Variants in PDE4B observed in about 807,000 individuals in gnomAD.
The protein encoded by PDE4B is 3',5'-cyclic-AMP phosphodiesterase 4B.
PDE4B carries 20 observed loss-of-function variants against 82.2 expected under a neutral mutation model. The observed-to-expected ratio is 0.24, with a 90% CI of 0.17 to 0.35. The LOEUF is 0.35. Among genes scored for constraint, PDE4B ranks in the 10% least tolerant of loss-of-function variants. The pLI is 1.00. For synonymous variants in PDE4B, 320 were observed against 318.9 expected, an observed-to-expected ratio of 1.00 and a Z score of -0.04; for missense variants, 655 against 907.2, an observed-to-expected ratio of 0.72 and a Z score of 3.57.
At chr1:66,364,057 A>G (rs1663036094) in intron 12 of PDE4B, among the ~76,000 whole-genome samples, 1 of 152,194 alleles carries the variant, frequency 6.6e-6, no homozygotes, top group South Asian at 2.1e-4. Flanking sequence ...TATTTCTACT[A>G]AGGGATGCAG....
chr1:66,163,252 C>A (rs1646653819), intron 3 of PDE4B, among the ~76,000 whole-genome samples: 2 of 152,130 alleles, frequency 1.3e-5, no homozygotes, highest in South Asian at 4.2e-4. Context: ...GCACAGGGGG[C>A]AATACCTTGC....
chr1:66,159,841 A>G (rs968910358), intron 3 of PDE4B, among the ~76,000 whole-genome samples: 1 of 152,170 alleles, frequency 6.6e-6, no homozygotes, highest in Non-Finnish European at 1.5e-5. Flanking sequence ...GCTGCCATTT[A>G]TTGTGCACCT....
At position 65,973,993 on chromosome 1, in the gene PDE4B, AG is replaced by A. The variant is rs1339303979; in HGVS notation, c.281+55159del. Among the ~76,000 whole-genome samples, 11 of 151,906 alleles carry A rather than the reference AG, an allele frequency of 7.2e-5. No homozygotes were observed. The East Asian group carries it at 1.9e-3, about 27-fold the overall frequency. ...ATGCCCAGCTAATTTTTGGATTTTT[AG>A]TAGAGATGGAGTTTTGCCATGTTGA... On this transcript the variant is annotated intron_variant, in intron 3 of 16. Coordinates refer to ENST00000341517, the MANE Select transcript of PDE4B (RefSeq NM_002600.4).
intron 3 of PDE4B, among the ~76,000 whole-genome samples, chr1:65,957,142 C>G (rs1221544614): frequency 2.7e-5 from 4 of 150,574 alleles, no homozygotes; most frequent in African/African-American, 9.8e-5. Flanking sequence ...TTGTCTCAGG[C>G]TGGCTTGTCT....
At chr1:65,959,047 C>T (rs1319002566) in intron 3 of PDE4B, among the ~76,000 whole-genome samples, 6 of 152,180 alleles carry the variant, frequency 3.9e-5, no homozygotes, top group African/African-American at 1.4e-4. Context: ...GGCAGCATTG[C>T]TGCACTGTTA....
intron 3 of PDE4B, among the ~76,000 whole-genome samples, chr1:66,110,743 G>C (rs901527408): frequency 6.6e-6 from 1 of 151,936 alleles, no homozygotes; most frequent in South Asian, 2.1e-4. Context: ...TATATAATGC[G>C]ATTAAACCAA....
At chr1:65,862,886 C>G (rs1452645197) in intron 1 of PDE4B, among the ~76,000 whole-genome samples, 1 of 152,090 alleles carries the variant, frequency 6.6e-6, no homozygotes, top group Admixed American at 6.6e-5. Flanking sequence ...TCTGAGGGAT[C>G]AGTGGTGATA....
intron 3 of PDE4B, chr1:66,042,590 A>G (rs1456282101): frequency 6.6e-6 from 1 of 151,776 alleles, no homozygotes; most frequent in Non-Finnish European, 1.5e-5. Flanking sequence ...AGCTCGGTCC[A>G]GTTTCCAGCA....
intron 3 of PDE4B, among the ~76,000 whole-genome samples, chr1:66,051,676 A>T (rs1384068506): frequency 6.6e-6 from 1 of 152,140 alleles, no homozygotes; most frequent in Non-Finnish European, 1.5e-5. Context: ...ACCTTCAAAA[A>T]CATCTCAAAT....
chr1:66,164,535 C>CAAAAAAAAAAAAAAAAAAAAAAAA (rs10718019), intron 3 of PDE4B, among the ~76,000 whole-genome samples: 19 of 48,558 alleles, frequency 3.9e-4, no homozygotes, highest in Admixed American at 7.1e-4. Context: ...GACTCCGTCT[C>CAAAAAAAAAAAAAAAAAAAAAAAA]AAAAAAAAAA....
At chr1:65,845,155 G>A (rs1334455372) in intron 1 of PDE4B, among the ~76,000 whole-genome samples, 1 of 152,174 alleles carries the variant, frequency 6.6e-6, no homozygotes, top group Non-Finnish European at 1.5e-5. Flanking sequence ...TAATGTCCCA[G>A]CGTACAACAT....
intron 3 of PDE4B, among the ~76,000 whole-genome samples, chr1:66,047,351 T>C (rs1054045046): frequency 6.6e-6 from 1 of 151,884 alleles, no homozygotes; most frequent in African/African-American, 2.4e-5. Flanking sequence ...GGTGTTAATA[T>C]ATGAAAATAT....
At position 66,150,758 on chromosome 1, in the gene PDE4B, G is replaced by A. The variant is rs367880081; in HGVS notation, c.282-96702G>A. Among the ~76,000 whole-genome samples the A allele has an allele frequency of 3.7e-4, 56 of 152,236 alleles. 1 individual carries two copies. In the East Asian group the frequency reaches 6.6e-3, roughly 18 times the overall value. On this transcript the variant is annotated intron_variant, in intron 3 of 16. Coordinates refer to ENST00000341517, the MANE Select transcript of PDE4B (RefSeq NM_002600.4). ...TTTTTCATGAAAGGATGTGGAATTTGTTATATGCTTTTACTCTGTCTATTG... is the reference window on the plus strand; with the variant it reads ...TTTTTCATGAAAGGATGTGGAATTTATTATATGCTTTTACTCTGTCTATTG...
rs142882873 is a variant in PDE4B, at chr1:66,333,317, A to G, written c.747+697A>G. Among the ~76,000 whole-genome samples, 100 of 152,314 alleles carry G rather than the reference A, an allele frequency of 6.6e-4. 2 individuals are homozygous for G. In the East Asian group the frequency reaches 0.017, roughly 26 times the overall value. Reference sequence around the variant, plus strand: ...TAATGTTGAAGAGCCTTAATTATCTATCATTATATCATTTGTTTAATTAAC... The same window carrying G: ...TAATGTTGAAGAGCCTTAATTATCTGTCATTATATCATTTGTTTAATTAAC... On this transcript the variant is annotated intron_variant, in intron 8 of 16. Coordinates refer to ENST00000341517, the MANE Select transcript of PDE4B (RefSeq NM_002600.4).
intron 8 of PDE4B, among the ~76,000 whole-genome samples, chr1:66,346,540 G>A (rs188023769): frequency 2.5e-4 from 38 of 152,170 alleles, no homozygotes; most frequent in African/African-American, 5.8e-4. Context: ...TCTTGTTTAC[G>A]CTCCTTAGAC....
Position 66,361,603 on chromosome 1 carries a change from T to C in PDE4B, c.842-12T>C, listed in dbSNP as rs750184311. 12 of 1,607,960 alleles carry C rather than the reference T, an allele frequency of 7.5e-6. No individual in the cohort carries two copies. The East Asian group carries it at 1.1e-4, about 15-fold the overall frequency. ...ACATGTGCTGAAAAACATATTCCTT[T>C]GTCTGTTGCAGACAAGCAGAATGAT... On this transcript the variant is annotated splice_polypyrimidine_tract_variant and intron_variant, in intron 9 of 16. Coordinates refer to ENST00000341517, the MANE Select transcript of PDE4B (RefSeq NM_002600.4).
rs146289026 is a variant in PDE4B at position 66,002,662 on chromosome 1, G to A, written c.281+83827G>A. On this transcript the variant is annotated intron_variant, in intron 3 of 16. Coordinates refer to ENST00000341517, the MANE Select transcript of PDE4B (RefSeq NM_002600.4). The stretch of plus-strand genomic sequence containing the variant: ...GGTTCTATCACTGTATAATTTTGAC[G>A]TTGTCTGGAATTTATTTTTCATGGT... 1.3e-3 allele frequency among the ~76,000 whole-genome samples: 194 copies of A among 151,912 alleles called. 1 individual carries two copies. Among genetic ancestry groups the A allele is most frequent in the Non-Finnish European group, 1.8e-3 (122 of 67,918 alleles).
At chr1:66,061,852 A>G (rs115710380) in intron 3 of PDE4B, among the ~76,000 whole-genome samples, 1,761 of 152,254 alleles carry the variant, frequency 0.012, 37 homozygotes, top group African/African-American at 0.041. Flanking sequence ...GTAGCAAACC[A>G]TCATGGCACA....
intron 3 of PDE4B, among the ~76,000 whole-genome samples, chr1:66,164,136 AAGAG>A (rs1333324595): frequency 1.3e-5 from 2 of 152,160 alleles, no homozygotes; most frequent in Non-Finnish European, 2.9e-5. Context: ...AGATAGCAAA[AAGAG>A]AGCCATTTGC....
Sources: allele counts gnomAD v4.1 joint callset (sites outside exome capture counted in the v4.1 genomes callset), GRCh38; gene constraint gnomAD v4.1.1; transcripts MANE v1.5; gene names NCBI Gene and HGNC (gene_info 2026-07-23, HGNC 2026-07-21).